KHDRBS2: variants seen among roughly 807,000 people sequenced by gnomAD.
The protein encoded by KHDRBS2 is KH domain-containing, RNA-binding, signal transduction-associated protein 2.
A neutral mutation model predicts 44.3 loss-of-function variants in KHDRBS2; 26 were observed. That is an observed-to-expected ratio of 0.59 (90% CI 0.43 to 0.81). KHDRBS2 has a LOEUF of 0.81. KHDRBS2 is among the 40% of genes least tolerant of loss of function. The probability of loss-of-function intolerance (pLI) is 0.00; values close to 1 mark genes in which losing one functional copy is unlikely to be tolerated. For synonymous variants in KHDRBS2, 194 were observed against 151.1 expected, an observed-to-expected ratio of 1.28 and a Z score of -2.08; for missense variants, 476 against 433.1, an observed-to-expected ratio of 1.10 and a Z score of -0.88.
chr6:62,244,830 T>C (rs977230857), intron 1 of KHDRBS2, among the ~76,000 whole-genome samples: 2 of 152,126 alleles, frequency 1.3e-5, no homozygotes, highest in African/African-American at 4.8e-5. Context: ...CGGCCATGTT[T>C]TCACATTGTA....
chr6:62,256,140 G>A (rs371018344), intron 1 of KHDRBS2, among the ~76,000 whole-genome samples: 1 of 149,664 alleles, frequency 6.7e-6, no homozygotes. Context: ...AACTCCGAAA[G>A]AAAAAAAAAC....
the KHDRBS2 span, among the ~76,000 whole-genome samples, chr6:61,603,651 T>A: frequency 3.3e-4 from 50 of 152,238 alleles, 3 homozygotes; most frequent in South Asian, 0.01. Flanking sequence ...CAAACTATGC[T>A]CAACTCACTC....
the KHDRBS2 span, among the ~76,000 whole-genome samples, chr6:61,584,093 G>C: frequency 6.6e-6 from 1 of 151,528 alleles, no homozygotes; most frequent in South Asian, 2.1e-4. Flanking sequence ...ATTAGCTTTA[G>C]TACTTTTCTC....
intron 6 of KHDRBS2, among the ~76,000 whole-genome samples, chr6:61,753,679 C>T (rs1349723145): frequency 1.3e-5 from 2 of 152,122 alleles, no homozygotes; most frequent in Non-Finnish European, 2.9e-5. Context: ...ATCCTATAAC[C>T]CTTCAACTCT....
At chr6:61,943,924 A>G (rs774963006) in intron 4 of KHDRBS2, among the ~76,000 whole-genome samples, 6 of 152,228 alleles carry the variant, frequency 3.9e-5, no homozygotes, top group Non-Finnish European at 8.8e-5. Context: ...ATCAGTAGAC[A>G]TCAGGGAAAT....
At chr6:61,621,360 T>C in the KHDRBS2 span, among the ~76,000 whole-genome samples, 2 of 152,152 alleles carry the variant, frequency 1.3e-5, no homozygotes, top group Non-Finnish European at 2.9e-5. Flanking sequence ...AAGGGAAAAT[T>C]AGAAATGAAA....
chr6:62,189,246 C>T (rs1468651239), intron 1 of KHDRBS2, among the ~76,000 whole-genome samples: 4 of 152,074 alleles, frequency 2.6e-5, no homozygotes, highest in Non-Finnish European at 5.9e-5. Flanking sequence ...GAACTGAAGC[C>T]TTTTGCTAAC....
chr6:62,205,994 G>T (rs1585200194), intron 1 of KHDRBS2, among the ~76,000 whole-genome samples: 1 of 152,142 alleles, frequency 6.6e-6, no homozygotes, highest in African/African-American at 2.4e-5. Context: ...TTGAAGAGAA[G>T]AGAAGCCAGC....
At chr6:62,285,802 C>A (rs1026482606) in intron 1 of KHDRBS2, 56 bp downstream of exon 1, 25 of 1,279,880 alleles carry the variant, frequency 2.0e-5, no homozygotes, top group Non-Finnish European at 2.6e-5. Context: ...CCTAATCAAG[C>A]CGCGGGTGAG....
intron 2 of KHDRBS2, among the ~76,000 whole-genome samples, chr6:62,064,349 C>T (rs1487077398): frequency 6.8e-6 from 1 of 148,086 alleles, no homozygotes; most frequent in Admixed American, 6.9e-5. Flanking sequence ...AAGAACAAAG[C>T]TGGAGGCATC....
chr6:62,136,366 A>C (rs1269207863), intron 2 of KHDRBS2, among the ~76,000 whole-genome samples: 1 of 152,240 alleles, frequency 6.6e-6, no homozygotes, highest in East Asian at 1.9e-4. Context: ...TTTTGTTCAA[A>C]TCATATAGCT....
intron 6 of KHDRBS2, among the ~76,000 whole-genome samples, chr6:61,841,295 A>T (rs1206184380): frequency 6.6e-6 from 1 of 152,138 alleles, no homozygotes; most frequent in East Asian, 1.9e-4. Context: ...CATGTCTTTA[A>T]ATTTACCTCC....
the KHDRBS2 span, among the ~76,000 whole-genome samples, chr6:61,666,768 T>C: frequency 6.6e-6 from 1 of 151,438 alleles, no homozygotes; most frequent in African/African-American, 2.4e-5. Context: ...TTGCCATGTA[T>C]TGCTTCAACA....
chr6:61,629,179 C>T, the KHDRBS2 span, among the ~76,000 whole-genome samples: 2 of 152,130 alleles, frequency 1.3e-5, no homozygotes, highest in Non-Finnish European at 2.9e-5. Flanking sequence ...TTTTCGCTTA[C>T]TTGCTCTAAT....
the KHDRBS2 span, among the ~76,000 whole-genome samples, chr6:61,671,638 A>G: frequency 6.6e-6 from 1 of 151,738 alleles, no homozygotes; most frequent in Non-Finnish European, 1.5e-5. Context: ...AAAAACAGCT[A>G]TCTTATTGTT....
At chr6:61,911,248 T>C (rs1482823969) in intron 4 of KHDRBS2, among the ~76,000 whole-genome samples, 1 of 152,180 alleles carries the variant, frequency 6.6e-6, no homozygotes, top group East Asian at 1.9e-4. Context: ...GTTAGATGTT[T>C]TTAAGTTCCT....
At chr6:61,878,149 C>T (rs778203054) in intron 6 of KHDRBS2, among the ~76,000 whole-genome samples, 5 of 151,842 alleles carry the variant, frequency 3.3e-5, no homozygotes, top group African/African-American at 7.3e-5. Context: ...ACATAACTTC[C>T]AATGAGGCTT....
intron 1 of KHDRBS2, among the ~76,000 whole-genome samples, chr6:62,217,985 A>C (rs1830297348): frequency 6.6e-6 from 1 of 151,774 alleles, no homozygotes; most frequent in African/African-American, 2.4e-5. Context: ...AGGAGGAATC[A>C]CTCGGCCAAG....
intron 4 of KHDRBS2, among the ~76,000 whole-genome samples, chr6:61,973,015 A>G (rs1167740189): frequency 6.6e-6 from 1 of 152,112 alleles, no homozygotes; most frequent in Non-Finnish European, 1.5e-5. Context: ...GTGTGGTGGC[A>G]TGCACCTGTA....
Sources: allele counts gnomAD v4.1 joint callset (sites outside exome capture counted in the v4.1 genomes callset), GRCh38; gene constraint gnomAD v4.1.1; transcripts MANE v1.5; gene names NCBI Gene and HGNC (gene_info 2026-07-23, HGNC 2026-07-21).